The following BASP1 variants were observed in gnomAD, a reference collection of about 807,000 sequenced individuals.
BASP1 encodes the protein brain acid soluble protein 1.
A neutral mutation model predicts 2.2 loss-of-function variants in BASP1; 1 was observed. The observed-to-expected ratio is 0.46, with a 90% confidence interval of 0.16 to 2.17. BASP1 has a LOEUF of 2.17. BASP1 is among the 30% of genes most tolerant of loss of function. The pLI is 0.27. For synonymous variants in BASP1, 187 were observed against 154.2 expected (o/e 1.21, Z -1.58); for missense variants, 352 against 327.2 (o/e 1.08, Z -0.58).
chr5:17,248,754 A>G (rs1028294631), intron 1 of BASP1, among the ~76,000 whole-genome samples: 19 of 152,242 alleles, frequency 1.2e-4, no homozygotes, highest in Non-Finnish European at 2.5e-4. Context: ...ACAAGATGGC[A>G]CAGAATGAAT....
intron 1 of BASP1, among the ~76,000 whole-genome samples, chr5:17,231,156 A>G (rs762902281): frequency 2.0e-4 from 30 of 152,214 alleles, no homozygotes; most frequent in Non-Finnish European, 4.0e-4. Context: ...TAGAATTTAA[A>G]AATTTTAACT....
At position 17,238,900 on chromosome 5, in the gene BASP1, C is replaced by G. The variant is rs181302419; in HGVS notation, c.-10+21090C>G. On this transcript the variant is annotated intron_variant, in intron 1 of 1. Coordinates refer to ENST00000322611, the MANE Select transcript of BASP1 (RefSeq NM_006317.5). The stretch of plus-strand genomic sequence containing the variant: ...ATCTTCAGTAAATTTTAATATCTTT[C>G]CCTTCAAGAGGACTTCCCAGCTGTC... Among the ~76,000 whole-genome samples the G allele has an allele frequency of 7.7e-3, 1,168 of 152,260 alleles. 47 individuals are homozygous for G. The highest frequency in any genetic ancestry group is 0.07 in the Admixed American group (1,065 of 15,290).
intron 1 of BASP1, among the ~76,000 whole-genome samples, chr5:17,254,711 A>C (rs960004950): frequency 1.3e-5 from 2 of 152,252 alleles, no homozygotes; most frequent in Non-Finnish European, 2.9e-5. Flanking sequence ...CAAAGTATGA[A>C]TCCTGTCATC....
In BASP1 at chr5:17,275,853, G is replaced by C; in HGVS notation, c.637G>C (p.Glu213Gln). 2.5e-6 allele frequency: 4 copies of C among 1,605,540 alleles called. No homozygotes were observed. The highest frequency in any genetic ancestry group is 3.4e-6 in the Non-Finnish European group (4 of 1,176,504). The change falls in exon 2 of 2, where the codon GAG (glutamate) becomes CAG (glutamine). Residue 213 changes from glutamate (E) to glutamine (Q), a missense_variant. Coordinates refer to ENST00000322611, the MANE Select transcript of BASP1 (RefSeq NM_006317.5). This position sits in a 1 kb window ranked among gnomAD's most constrained non-coding sequence, Gnocchi z 5.3. ...CTCTGCAGAAGAGCCCAAGCCGGTG[G>C]AGGCCCCGGCAGCTAATTCCGACCA... ...AASAEEPKPV[E>Q]APAANSDQTV...
At chr5:17,232,553 G>A (rs1739654808) in intron 1 of BASP1, among the ~76,000 whole-genome samples, 2 of 152,144 alleles carry the variant, frequency 1.3e-5, no homozygotes, top group South Asian at 4.1e-4. Flanking sequence ...GCACCTAACC[G>A]AACCTGTGGT....
rs909109668 is a variant in BASP1 at position 17,230,511 on chromosome 5, G to A, written c.-10+12701G>A. 1.8e-4 allele frequency among the ~76,000 whole-genome samples: 28 copies of A among 152,280 alleles called. No individual in the cohort carries two copies. In the East Asian group the frequency reaches 2.3e-3, roughly 13 times the overall value. On this transcript the variant is annotated intron_variant, in intron 1 of 1. Coordinates refer to ENST00000322611, the MANE Select transcript of BASP1 (RefSeq NM_006317.5). ...CTTTTGAGGGGCATTCTCAACAAGT[G>A]TGGGTGTGGGTAAGTCTACACTTAA...
At chr5:17,218,036 G>T (rs1739299739) in intron 1 of BASP1, among the ~76,000 whole-genome samples, 1 of 151,742 alleles carries the variant, frequency 6.6e-6, no homozygotes, top group South Asian at 2.1e-4. Flanking sequence ...GGCTTCAGCC[G>T]CTCGCATGGT....
At chr5:17,229,837 G>A (rs957789340) in intron 1 of BASP1, among the ~76,000 whole-genome samples, 1 of 146,966 alleles carries the variant, frequency 6.8e-6, no homozygotes, top group Non-Finnish European at 1.5e-5. Context: ...AGGCTGGAGT[G>A]CAGTGGCACT....
At chr5:17,265,635 T>C (rs1184615986) in intron 1 of BASP1, among the ~76,000 whole-genome samples, 2 of 152,210 alleles carry the variant, frequency 1.3e-5, no homozygotes. Flanking sequence ...TCCTACTTGA[T>C]ACTCCTTTTG....
chr5:17,273,433 C>T (rs1483874288), intron 1 of BASP1, among the ~76,000 whole-genome samples: 2 of 152,110 alleles, frequency 1.3e-5, no homozygotes, highest in African/African-American at 4.8e-5. Flanking sequence ...TCTTAGGTAA[C>T]ATCATAAAGA....
chr5:17,221,115 C>T (rs1739385717), intron 1 of BASP1, among the ~76,000 whole-genome samples: 1 of 152,162 alleles, frequency 6.6e-6, no homozygotes, highest in Non-Finnish European at 1.5e-5. Flanking sequence ...TGCTTTGATA[C>T]TGGTCTTTGG....
intron 1 of BASP1, among the ~76,000 whole-genome samples, chr5:17,224,927 G>T (rs1016757977): frequency 6.6e-6 from 1 of 152,220 alleles, no homozygotes; most frequent in African/African-American, 2.4e-5. Context: ...TTTGTTCCGC[G>T]TCCACGCAGG....
intron 1 of BASP1, among the ~76,000 whole-genome samples, chr5:17,265,957 A>G (rs999432015): frequency 2.0e-5 from 3 of 152,220 alleles, no homozygotes; most frequent in Admixed American, 1.3e-4. Flanking sequence ...TGCAAGGGGC[A>G]GAAGTGTCTT....
intron 1 of BASP1, among the ~76,000 whole-genome samples, chr5:17,232,748 G>T (rs535160178): frequency 6.6e-6 from 1 of 152,116 alleles, no homozygotes; most frequent in South Asian, 2.1e-4. Context: ...AGGAGGTGGG[G>T]CACAACTAAG....
intron 1 of BASP1, among the ~76,000 whole-genome samples, chr5:17,272,071 G>GAAAAAA (rs778258451): frequency 1.7e-5 from 1 of 60,254 alleles, no homozygotes. Context: ...TGCATTTCAA[G>GAAAAAA]AAAAAAAAAA....
chr5:17,269,114 A>C (rs1437734111), intron 1 of BASP1, among the ~76,000 whole-genome samples: 2 of 152,232 alleles, frequency 1.3e-5, no homozygotes, highest in South Asian at 4.1e-4. Flanking sequence ...ACAACAACAA[A>C]AAAACTTCAC....
At position 17,236,102 on chromosome 5, in the gene BASP1, T is replaced by C. The variant is rs569214911; in HGVS notation, c.-10+18292T>C. Among the ~76,000 whole-genome samples, 1 of 152,286 alleles carries C rather than the reference T, an allele frequency of 6.6e-6. No homozygotes were observed. The highest frequency in any genetic ancestry group is 1.9e-4 in the East Asian group (1 of 5,182). The stretch of plus-strand genomic sequence containing the variant: ...GTGTGGCCCAAGACAATTCTTCCAG[T>C]GTGGCCCAGGGAAGCCAAAAGATTG... On this transcript the variant is annotated intron_variant, in intron 1 of 1. Coordinates refer to ENST00000322611, the MANE Select transcript of BASP1 (RefSeq NM_006317.5). This position sits in a 1 kb window ranked among gnomAD's most constrained non-coding sequence, Gnocchi z 4.0.
chr5:17,275,581 C>G lies in BASP1; in HGVS notation c.365C>G (p.Ala122Gly). Reference protein sequence around the residue: ...GPAAGGEAPKAAEAAAAPAES... With the variant: ...GPAAGGEAPKGAEAAAAPAES... ...GCTGCGGGCGGCGAGGCCCCCAAAG[C>G]TGCTGAGGCCGCCGCGGCCCCGGCC... Residue 122 changes from alanine (A) to glycine (G), a missense_variant, in exon 2 of 2, where the codon GCT becomes GGT. Physicochemically the swap from Ala to Gly is moderately conservative, Grantham distance 60. Transcript: ENST00000322611. The surrounding 1 kb of genome is among the most constrained non-coding windows in gnomAD (Gnocchi z 5.3). 7.1e-7 allele frequency: 1 copy of G among 1,404,604 alleles called. No individual in the cohort carries two copies. Among genetic ancestry groups the G allele is most frequent in the Non-Finnish European group, 9.2e-7 (1 of 1,083,654 alleles). 87.0% of individuals were successfully genotyped at this position (1,404,604 alleles called of 1,614,324 possible).
chr5:17,217,576 G>C (rs1579475208), upstream of BASP1: 1 of 151,102 alleles, frequency 6.6e-6, no homozygotes, highest in East Asian at 2.0e-4. Flanking sequence ...TGGGCAGGAA[G>C]GGGAGGGGGA....
Sources: gnomAD v4.1 joint callset for allele counts (sites outside exome capture counted in the v4.1 genomes callset) on GRCh38, gnomAD v4.1.1 for gene constraint, Gnocchi (gnomAD v3.1) non-coding constraint, MANE v1.5 for transcripts, NCBI Gene and HGNC (gene_info 2026-07-23, HGNC 2026-07-21) for gene names.